GRB10: variants seen among roughly 807,000 people sequenced by gnomAD.
The protein encoded by GRB10 is growth factor receptor-bound protein 10.
In GRB10, 20 loss-of-function variants were observed where a neutral mutation model predicts 80.9. That is an observed-to-expected ratio of 0.25 (90% CI 0.17 to 0.36). The LOEUF is 0.36. Among genes scored for constraint, GRB10 ranks in the 10% least tolerant of loss-of-function variants. The pLI is 1.00. For synonymous variants in GRB10, 291 were observed against 291.5 expected (o/e 1.00, Z 0.02); for missense variants, 548 against 747.7 (o/e 0.73, Z 3.12).
chr7:50,708,673 GTTTT>G (rs150250702), intron 4 of GRB10, among the ~76,000 whole-genome samples: 8 of 83,240 alleles, frequency 9.6e-5, no homozygotes, highest in Non-Finnish European at 9.8e-5. Flanking sequence ...CTGTGAGTCT[GTTTT>G]TTTTTTTTTT....
intron 4 of GRB10, among the ~76,000 whole-genome samples, chr7:50,717,044 C>T (rs1179384358): frequency 6.6e-6 from 1 of 152,172 alleles, no homozygotes; most frequent in Non-Finnish European, 1.5e-5. Context: ...AGTTTCTGAG[C>T]CTCACTTTTA....
At chr7:50,676,344 G>GGGGGGGGGGGGGGGGGGGGGGGGA in intron 5 of GRB10, among the ~76,000 whole-genome samples, 1 of 136,014 alleles carries the variant, frequency 7.4e-6, no homozygotes, top group South Asian at 2.5e-4. Context: ...CCGGGGGGGG[G>GGGGGGGGGGGGGGGGGGGGGGGGA]GGGGGGTTGT....
intron 10 of GRB10, among the ~76,000 whole-genome samples, 170 bp from the exon 11 acceptor site, chr7:50,616,517 C>T (rs1339871306): frequency 5.9e-5 from 9 of 152,224 alleles, no homozygotes; most frequent in African/African-American, 2.2e-4. Context: ...ATTCGTGTTG[C>T]ATAGAACATA....
At chr7:50,695,533 T>C (rs567918981) in intron 5 of GRB10, among the ~76,000 whole-genome samples, 9 of 152,326 alleles carry the variant, frequency 5.9e-5, no homozygotes, top group Non-Finnish European at 7.3e-5. Context: ...CTGAGCATGA[T>C]TGATGTCCAC....
chr7:50,601,312 G>GAA (rs2047556604), intron 17 of GRB10, among the ~76,000 whole-genome samples: 2 of 152,172 alleles, frequency 1.3e-5, no homozygotes, highest in Non-Finnish European at 2.9e-5. Flanking sequence ...TCTGACTTTG[G>GAA]AACCATGAAA....
intron 13 of GRB10, 113 bp from the exon 14 acceptor site, chr7:50,606,527 CT>C: frequency 2.6e-6 from 2 of 774,380 alleles, no homozygotes; most frequent in Non-Finnish European, 4.6e-6. Context: ...GAGTGATGCC[CT>C]GTACCAGCCT....
intron 4 of GRB10, among the ~76,000 whole-genome samples, chr7:50,725,772 A>C (rs1429585575): frequency 6.6e-6 from 1 of 152,236 alleles, no homozygotes; most frequent in Non-Finnish European, 1.5e-5. Context: ...ATGTCCTTCT[A>C]AAAGGCAGTG....
At chr7:50,703,933 A>G (rs769817233) in intron 4 of GRB10, 25 bp from the exon 5 acceptor site, 21 of 1,560,860 alleles carry the variant, frequency 1.3e-5, no homozygotes, top group Admixed American at 1.7e-5. Context: ...CCGCAGCAGA[A>G]AGGCTGTGAG....
At chr7:50,731,858 A>C (rs1001641432) in intron 4 of GRB10, among the ~76,000 whole-genome samples, 5 of 152,320 alleles carry the variant, frequency 3.3e-5, no homozygotes, top group Admixed American at 1.3e-4. Context: ...CTCACGCGTG[A>C]GCACATGTGT....
intron 8 of GRB10, among the ~76,000 whole-genome samples, chr7:50,622,974 A>G (rs2153586819): frequency 6.6e-6 from 1 of 152,254 alleles, no homozygotes; most frequent in South Asian, 2.1e-4. Context: ...CTTTTAAAAT[A>G]TAATTTGTTT....
chr7:50,593,762 T>C (rs1185434224), intron 18 of GRB10, among the ~76,000 whole-genome samples: 2 of 152,192 alleles, frequency 1.3e-5, no homozygotes, highest in African/African-American at 4.8e-5. Context: ...GGTCGTGTTG[T>C]TCACAGGGAA....
intron 1 of GRB10, chr7:50,792,777 C>A: frequency 4.8e-6 from 1 of 206,392 alleles, no homozygotes. Flanking sequence ...GCACCCGGGG[C>A]TGCAGGGACG....
intron 8 of GRB10, among the ~76,000 whole-genome samples, chr7:50,620,956 T>C (rs866645389): frequency 1.3e-5 from 2 of 152,122 alleles, no homozygotes; most frequent in Non-Finnish European, 2.9e-5. Context: ...CTGTTGATGG[T>C]TGATTTACAG....
intron 7 of GRB10, among the ~76,000 whole-genome samples, chr7:50,646,094 C>T (rs1310491270): frequency 6.6e-6 from 1 of 152,200 alleles, no homozygotes; most frequent in Non-Finnish European, 1.5e-5. Context: ...TGACCAAGGA[C>T]CCATGCACGA....
At chr7:50,685,107 G>C (rs145782918) in intron 5 of GRB10, among the ~76,000 whole-genome samples, 1 of 152,286 alleles carries the variant, frequency 6.6e-6, no homozygotes, top group African/African-American at 2.4e-5. Flanking sequence ...AACACTCTAT[G>C]ATTCTGTGGA....
At chr7:50,682,506 G>A (rs548409776) in intron 5 of GRB10, among the ~76,000 whole-genome samples, 7 of 152,268 alleles carry the variant, frequency 4.6e-5, no homozygotes, top group Admixed American at 1.3e-4. Context: ...TGATCATGTC[G>A]GCTCAACATC....
chr7:50,665,464 T>C (rs2059701037), intron 7 of GRB10, among the ~76,000 whole-genome samples: 1 of 152,262 alleles, frequency 6.6e-6, no homozygotes, highest in Non-Finnish European at 1.5e-5. Flanking sequence ...CATGAGCCAG[T>C]GGCAGAGGTG....
intron 17 of GRB10, among the ~76,000 whole-genome samples, chr7:50,603,529 C>T (rs991337396): frequency 2.0e-5 from 3 of 152,224 alleles, no homozygotes; most frequent in Non-Finnish European, 4.4e-5. Flanking sequence ...CCTGGACTGT[C>T]CAGCCCCAGC....
intron 7 of GRB10, among the ~76,000 whole-genome samples, chr7:50,636,104 A>G (rs1017828032): frequency 4.0e-5 from 6 of 150,968 alleles, no homozygotes; most frequent in Admixed American, 3.3e-4. Flanking sequence ...CAGCCTCCCA[A>G]GTGGCTGGGA....
Sources: allele counts gnomAD v4.1 joint callset (sites outside exome capture counted in the v4.1 genomes callset), GRCh38; gene constraint gnomAD v4.1.1; transcripts MANE v1.5; gene names NCBI Gene and HGNC (gene_info 2026-07-23, HGNC 2026-07-21).